The following TTC33 variants were observed in gnomAD, a reference collection of about 807,000 sequenced individuals.
TTC33 encodes tetratricopeptide repeat protein 33.
In TTC33, 24 loss-of-function variants were observed where a neutral mutation model predicts 29.4. That is an observed-to-expected ratio of 0.82 (90% CI 0.59 to 1.15). The LOEUF (loss-of-function observed/expected upper bound fraction) is 1.15. Among genes scored for constraint, TTC33 ranks in the 50% most tolerant of loss-of-function variants. The pLI is 0.00. For missense variants in TTC33, 286 were observed against 310.4 expected (o/e 0.92, Z 0.59); for synonymous variants, 107 against 100.3 (o/e 1.07, Z -0.40).
rs190345363 is a variant in TTC33 at position 40,713,263 on chromosome 5, G to A, written c.*2882C>T. Among the ~76,000 whole-genome samples the A allele has an allele frequency of 1.4e-4, 22 of 152,164 alleles. No individual in the cohort carries two copies. The highest frequency in any genetic ancestry group is 2.6e-4 in the Admixed American group (4 of 15,264). ...CACTTTAGAATGGCTCTGATTCAAGGAAATTAAAAGAAATGATTGTTAATT... is the reference window on the plus strand; with the variant it reads ...CACTTTAGAATGGCTCTGATTCAAGAAAATTAAAAGAAATGATTGTTAATT... On this transcript the variant is annotated 3_prime_UTR_variant, in exon 5 of 5. Coordinates refer to ENST00000337702, the MANE Select transcript of TTC33 (RefSeq NM_012382.3).
chr5:40,743,745 G>T (rs547857667), intron 2 of TTC33, among the ~76,000 whole-genome samples: 4 of 152,268 alleles, frequency 2.6e-5, no homozygotes, highest in Admixed American at 6.5e-5. Flanking sequence ...CTGCACTCCA[G>T]CCTGGGCAAC....
At chr5:40,749,491 G>A (rs895515250) in intron 1 of TTC33, among the ~76,000 whole-genome samples, 8 of 152,138 alleles carry the variant, frequency 5.3e-5, no homozygotes, top group Non-Finnish European at 8.8e-5. Context: ...GAAAAGCAAC[G>A]AATCAGAGGG....
chr5:40,730,272 A>T lies in TTC33; in HGVS notation c.293T>A (p.Met98Lys). 6.3e-7 allele frequency: 1 copy of T among 1,598,038 alleles called. No homozygotes were observed. Among genetic ancestry groups the T allele is most frequent in the South Asian group, 1.1e-5 (1 of 88,284 alleles). ...CTTCATAATTATTACCTGTGATTTCATCTCGTATAGGGTAGCATCATTTGG... is the reference window on the plus strand; with the variant it reads ...CTTCATAATTATTACCTGTGATTTCTTCTCGTATAGGGTAGCATCATTTGG... Reference protein sequence around the residue: ...LTPNDATLYEMKSQVLMSLHE... With the variant: ...LTPNDATLYEKKSQVLMSLHE... Residue 98 changes from methionine (M) to lysine (K), a missense_variant, in exon 3 of 5, where the codon ATG becomes AAG. Transcript: ENST00000337702.
At chr5:40,723,079 T>C (rs913574694) in intron 4 of TTC33, among the ~76,000 whole-genome samples, 5 of 152,184 alleles carry the variant, frequency 3.3e-5, no homozygotes, top group African/African-American at 7.2e-5. Context: ...CTCCATTTTG[T>C]TCTGTACTAA....
At chr5:40,720,554 C>G (rs1269513242) in intron 4 of TTC33, among the ~76,000 whole-genome samples, 1 of 152,188 alleles carries the variant, frequency 6.6e-6, no homozygotes, top group Admixed American at 6.5e-5. Context: ...CCCAAGGGCA[C>G]TCCTCTTCAA....
At chr5:40,716,735 G>A (rs533607515) in intron 4 of TTC33, among the ~76,000 whole-genome samples, 3 of 152,154 alleles carry the variant, frequency 2.0e-5, no homozygotes, top group Non-Finnish European at 2.9e-5. Flanking sequence ...CCATTAAAAT[G>A]GGAGTACTCA....
intron 2 of TTC33, among the ~76,000 whole-genome samples, chr5:40,730,700 A>G (rs894877552): frequency 2.4e-4 from 37 of 152,180 alleles, no homozygotes; most frequent in African/African-American, 8.4e-4. Flanking sequence ...ACTACTTTCT[A>G]GTCCATGAAA....
At chr5:40,735,824 G>A (rs10941525) in intron 2 of TTC33, among the ~76,000 whole-genome samples, 52,046 of 152,028 alleles carry the variant, frequency 0.34, 10,018 homozygotes, top group Admixed American at 0.45. Flanking sequence ...CAACAGAGAA[G>A]TGATGACTGG....
intron 4 of TTC33, among the ~76,000 whole-genome samples, chr5:40,726,311 TTTTAA>T: frequency 6.6e-6 from 1 of 152,030 alleles, no homozygotes; most frequent in South Asian, 2.1e-4. Context: ...AACTACTGAC[TTTTAA>T]TTTACTGCCT....
chr5:40,750,251 T>G (rs1742869624), intron 1 of TTC33, among the ~76,000 whole-genome samples: 3 of 151,984 alleles, frequency 2.0e-5, no homozygotes. Flanking sequence ...TACTGAAGGC[T>G]GGTGGCTGTG....
intron 4 of TTC33, among the ~76,000 whole-genome samples, chr5:40,724,421 T>A (rs1435475688): frequency 1.3e-5 from 2 of 151,840 alleles, no homozygotes; most frequent in East Asian, 3.9e-4. Flanking sequence ...GATCATGAGG[T>A]CAGGAGTTCA....
At chr5:40,722,757 C>T (rs1326330955) in intron 4 of TTC33, among the ~76,000 whole-genome samples, 16 of 151,026 alleles carry the variant, frequency 1.1e-4, no homozygotes, top group Admixed American at 2.6e-4. Context: ...CCCGGCCAGA[C>T]GCCCCGTCCC....
At position 40,728,329 on chromosome 5, in the gene TTC33, A is replaced by T. The variant is rs1482273740; in HGVS notation, c.435+16T>A. The T allele has an allele frequency of 6.7e-7, 1 of 1,493,854 alleles. No homozygotes were observed. The highest frequency in any genetic ancestry group is 2.6e-5 in the East Asian group (1 of 39,204). 92.5% of individuals were successfully genotyped at this position (1,493,854 alleles called of 1,614,324 possible). A position where few individuals can be genotyped will look rare whatever the true frequency, so the allele number is the denominator to read the frequency against. On this transcript the variant is annotated intron_variant, in intron 4 of 4. Transcript: ENST00000337702. ...ATACTTAAAATTTCTGCATTATAAT[A>T]ATCTGACTTCCTCACCAGGATTATC...
At chr5:40,755,178 G>T (rs29743) in intron 1 of TTC33, among the ~76,000 whole-genome samples, 103,863 of 151,992 alleles carry the variant, frequency 0.68, 35,528 homozygotes, top group East Asian at 0.8. Flanking sequence ...TCAACAACTG[G>T]CGACGGCTTC....
chr5:40,746,162 G>T (rs1742784109), intron 2 of TTC33, among the ~76,000 whole-genome samples: 1 of 151,928 alleles, frequency 6.6e-6, no homozygotes, highest in African/African-American at 2.4e-5. Context: ...AATGAAAAAT[G>T]ATTTTTGGTC....
chr5:40,728,223 G>T (rs1742335866), intron 4 of TTC33, 122 bp downstream of exon 4: 4 of 737,760 alleles, frequency 5.4e-6, no homozygotes, highest in Non-Finnish European at 7.7e-6. Context: ...GGCGGAGGTT[G>T]CCGTGAGCTG....
intron 2 of TTC33, among the ~76,000 whole-genome samples, chr5:40,743,267 A>G (rs187141197): frequency 3.3e-5 from 5 of 152,250 alleles, no homozygotes; most frequent in Admixed American, 3.3e-4. Flanking sequence ...GCAGCAGAAA[A>G]CCAGAGAAAA....
chr5:40,743,460 A>G (rs1321695011), intron 2 of TTC33, among the ~76,000 whole-genome samples: 1 of 152,106 alleles, frequency 6.6e-6, no homozygotes, highest in Non-Finnish European at 1.5e-5. Context: ...ATTACTTTCA[A>G]TCAAGTTTAG....
chr5:40,711,991 G>A lies in TTC33; in HGVS notation c.*4154C>T, dbSNP rs1741907193. On this transcript the variant is annotated 3_prime_UTR_variant, in exon 5 of 5. Transcript: ENST00000337702. The stretch of plus-strand genomic sequence containing the variant: ...ACACACACTATATCAGGATGGTAGT[G>A]GTGGTGAAGTGGGTGTTTACATTTG... Among the ~76,000 whole-genome samples the A allele has an allele frequency of 6.6e-6, 1 of 152,078 alleles. No individual in the cohort carries two copies. Among genetic ancestry groups the A allele is most frequent in the African/African-American group, 2.4e-5 (1 of 41,434 alleles).
Sources: gnomAD v4.1 joint callset for allele counts (sites outside exome capture counted in the v4.1 genomes callset) on GRCh38, gnomAD v4.1.1 for gene constraint, MANE v1.5 for transcripts, NCBI Gene and HGNC (gene_info 2026-07-23, HGNC 2026-07-21) for gene names.